CCDC167: variants seen among roughly 807,000 people sequenced by gnomAD.
The protein encoded by CCDC167 is coiled-coil domain-containing protein 167.
CCDC167 carries 15 observed loss-of-function variants against 12.7 expected under a neutral mutation model. The observed-to-expected ratio is 1.18, with a 90% CI of 0.79 to 1.81. The LOEUF is 1.81. CCDC167 is among the 40% of genes most tolerant of loss of function. CCDC167 has a pLI of 0.00. For synonymous variants in CCDC167, 52 were observed against 49.0 expected (o/e 1.06, Z -0.26); for missense variants, 121 against 120.1 (o/e 1.01, Z -0.03).
At position 37,483,272 on chromosome 6, in the gene CCDC167, G is replaced by A. The variant is rs1761893781; in HGVS notation, c.208C>T (p.Leu70Phe). ...ASNYEKELKF[L>F]RQENRKNMLL... is the part of the protein sequence containing the mutation. ...ATGTTCTTCCGGTTCTCTTGCCGAAGAAACTTCAGTTCCTTCTCTGGGAGG... is the reference window on the plus strand; with the variant it reads ...ATGTTCTTCCGGTTCTCTTGCCGAAAAAACTTCAGTTCCTTCTCTGGGAGG... The change falls in exon 4 of 4, where the codon CTT becomes TTT. Residue 70 changes from leucine (L) to phenylalanine (F), a missense_variant. Transcript: ENST00000373408. The A allele has an allele frequency of 6.2e-7, 1 of 1,613,814 alleles. No individual in the cohort carries two copies. Among genetic ancestry groups the A allele is most frequent in the Non-Finnish European group, 8.5e-7 (1 of 1,179,826 alleles).
intron 2 of CCDC167, 110 bp from the exon 3 acceptor site, chr6:37,484,972 G>T (rs1428128340): frequency 4.8e-6 from 7 of 1,463,894 alleles, no homozygotes; most frequent in Non-Finnish European, 5.7e-6. Flanking sequence ...GGCAGGGGGG[G>T]TGTGCACTGA....
Position 37,494,143 on chromosome 6 carries a change from G to A in CCDC167, c.42+5679C>T, listed in dbSNP as rs566694754. 7.4e-4 allele frequency among the ~76,000 whole-genome samples: 97 copies of A among 131,068 alleles called. No individual in the cohort carries two copies. In the South Asian group the frequency reaches 9.4e-3, roughly 13 times the overall value. The allele number at this position is 131,068 out of a possible 152,430, so 86.0% of individuals were successfully genotyped here. On this transcript the variant is annotated intron_variant, in intron 1 of 3. Coordinates refer to ENST00000373408, the MANE Select transcript of CCDC167 (RefSeq NM_138493.3). ...TGCGATGGCACCATCTCGGCTCACC[G>A]CAACCTCCACCTCCCAGGTTCAAGC...
chr6:37,491,044 C>G (rs1182665715), intron 1 of CCDC167, among the ~76,000 whole-genome samples: 1 of 152,144 alleles, frequency 6.6e-6, no homozygotes, highest in African/African-American at 2.4e-5. Flanking sequence ...GTGAAATCCC[C>G]GCGAGGCATC....
At chr6:37,491,671 G>A (rs543152453) in intron 1 of CCDC167, among the ~76,000 whole-genome samples, 17 of 152,278 alleles carry the variant, frequency 1.1e-4, no homozygotes, top group Admixed American at 3.3e-4. Context: ...AGTGTAAGCA[G>A]CCTCTGGAAA....
rs70977666 is a variant in CCDC167 at position 37,494,056 on chromosome 6, C to CTT, written c.42+5764_42+5765dup. Among the ~76,000 whole-genome samples the CTT allele has an allele frequency of 9.5e-3, 867 of 91,376 alleles. 89 individuals carry two copies. Among genetic ancestry groups the CTT allele is most frequent in the South Asian group, 0.021 (44 of 2,110 alleles). The allele number at this position is 91,376 out of a possible 152,430, so 59.9% of individuals were successfully genotyped here. A position where few individuals can be genotyped will look rare whatever the true frequency, so the allele number is the denominator to read the frequency against. Reference sequence around the variant, plus strand: ...CACTTCTCATGGTCAGTGATCCTGCCTTTTTTTTTTTTTTTTTTTTTTTTT... The same window carrying CTT: ...CACTTCTCATGGTCAGTGATCCTGCCTTTTTTTTTTTTTTTTTTTTTTTTTTT... On this transcript the variant is annotated intron_variant, in intron 1 of 3. Coordinates refer to ENST00000373408, the MANE Select transcript of CCDC167 (RefSeq NM_138493.3).
chr6:37,486,721 C>T (rs1207655841), intron 1 of CCDC167, among the ~76,000 whole-genome samples: 2 of 152,184 alleles, frequency 1.3e-5, no homozygotes, highest in Non-Finnish European at 2.9e-5. Flanking sequence ...GGGAAACAGA[C>T]CCAGCCAGGA....
chr6:37,492,235 C>T (rs565890190), intron 1 of CCDC167, among the ~76,000 whole-genome samples: 1 of 152,196 alleles, frequency 6.6e-6, no homozygotes, highest in Non-Finnish European at 1.5e-5. Context: ...CTCCAAAATC[C>T]CTCATGAAAA....
chr6:37,498,753 AG>A (rs1291579864), intron 1 of CCDC167, among the ~76,000 whole-genome samples: 1 of 152,092 alleles, frequency 6.6e-6, no homozygotes, highest in Non-Finnish European at 1.5e-5. Flanking sequence ...TGAACCCAGA[AG>A]GCAGAGTTTA....
chr6:37,488,078 C>T (rs1050519581), intron 1 of CCDC167, among the ~76,000 whole-genome samples: 4 of 152,240 alleles, frequency 2.6e-5, no homozygotes, highest in Non-Finnish European at 4.4e-5. Context: ...AACCCATCCT[C>T]AGAAGGTGAC....
rs70977666 is a variant in CCDC167, at chr6:37,494,056, C to CTTTTTTTTTT, written c.42+5756_42+5765dup. 1.1e-4 allele frequency among the ~76,000 whole-genome samples: 10 copies of CTTTTTTTTTT among 91,386 alleles called. 1 individual carries two copies. The highest frequency in any genetic ancestry group is 4.3e-4 in the African/African-American group (10 of 23,446). The allele number at this position is 91,386 out of a possible 152,430, so 60.0% of individuals were successfully genotyped here. A position where few individuals can be genotyped will look rare whatever the true frequency, so the allele number is the denominator to read the frequency against. ...CACTTCTCATGGTCAGTGATCCTGC[C>CTTTTTTTTTT]TTTTTTTTTTTTTTTTTTTTTTTTT... On this transcript the variant is annotated intron_variant, in intron 1 of 3. Coordinates refer to ENST00000373408, the MANE Select transcript of CCDC167 (RefSeq NM_138493.3).
chr6:37,489,030 G>C (rs924298818), intron 1 of CCDC167, among the ~76,000 whole-genome samples: 2 of 152,048 alleles, frequency 1.3e-5, no homozygotes, highest in African/African-American at 4.8e-5. Flanking sequence ...GAGGTCAGGA[G>C]ATCCAGACCA....
chr6:37,498,515 T>TA (rs34494456), intron 1 of CCDC167, among the ~76,000 whole-genome samples: 66,004 of 145,654 alleles, frequency 0.45, 16,038 homozygotes, highest in Middle Eastern at 0.62. Context: ...GTGTGGCTTG[T>TA]AAAAAAAAAA....
intron 1 of CCDC167, among the ~76,000 whole-genome samples, chr6:37,493,502 C>G (rs1762048835): frequency 6.6e-6 from 1 of 152,278 alleles, no homozygotes; most frequent in African/African-American, 2.4e-5. Flanking sequence ...TTTTAGTCTC[C>G]TGACCCCCGT....
intron 1 of CCDC167, among the ~76,000 whole-genome samples, chr6:37,487,865 T>C (rs1371751308): frequency 3.3e-5 from 5 of 152,252 alleles, no homozygotes; most frequent in Admixed American, 6.5e-5. Flanking sequence ...TTTGCCACTT[T>C]TTAATGAGGC....
At chr6:37,498,068 A>T (rs1003561322) in intron 1 of CCDC167, among the ~76,000 whole-genome samples, 4 of 152,126 alleles carry the variant, frequency 2.6e-5, no homozygotes, top group African/African-American at 9.7e-5. Context: ...TTTGCCACAA[A>T]AGCACTGTGA....
At chr6:37,499,681 C>T in intron 1 of CCDC167, 141 bp downstream of exon 1, 1 of 974,248 alleles carries the variant, frequency 1.0e-6, no homozygotes, top group Non-Finnish European at 1.6e-6. Context: ...CTTCTCACCC[C>T]TCCCGTCCCT....
rs577358115 is a variant in CCDC167, at chr6:37,484,767, G to C, written c.190+43C>G. ...GGGCTTCTGACCCTTCCTGGTTCTG[G>C]GGACTGGAGGCTGGGGCTGGTAACT... On this transcript the variant is annotated intron_variant, in intron 3 of 3. Coordinates refer to ENST00000373408, the MANE Select transcript of CCDC167 (RefSeq NM_138493.3). 22 of 1,611,988 alleles carry C rather than the reference G, an allele frequency of 1.4e-5. 1 individual carries two copies. In the South Asian group the frequency reaches 2.3e-4, roughly 17 times the overall value.
chr6:37,489,384 C>A (rs1212481633), intron 1 of CCDC167, among the ~76,000 whole-genome samples: 1 of 152,136 alleles, frequency 6.6e-6, no homozygotes, highest in Non-Finnish European at 1.5e-5. Flanking sequence ...CAGGGAGGGC[C>A]CCCAGGGTAG....
Position 37,483,142 on chromosome 6 carries a change from G to A in CCDC167, c.*44C>T. ...GAAGTGCCTGCTTGATCCTGATCAA[G>A]GGGCCAAGTGGAAGCCTGTGCTGGT... On this transcript the variant is annotated 3_prime_UTR_variant, in exon 4 of 4. Transcript: ENST00000373408. The A allele has an allele frequency of 1.4e-6, 2 of 1,474,566 alleles. No homozygotes were observed. The highest frequency in any genetic ancestry group is 1.9e-6 in the Non-Finnish European group (2 of 1,053,010). The allele number at this position is 1,474,566 out of a possible 1,614,324, so 91.3% of individuals were successfully genotyped here.
Sources: gnomAD v4.1 joint callset for allele counts (sites outside exome capture counted in the v4.1 genomes callset) on GRCh38, gnomAD v4.1.1 for gene constraint, MANE v1.5 for transcripts, NCBI Gene and HGNC (gene_info 2026-07-23, HGNC 2026-07-21) for gene names.